The following SRPK2 variants were observed in gnomAD, a reference collection of about 807,000 sequenced individuals.
The protein encoded by SRPK2 is SFRS protein kinase 2.
SRPK2 carries 21 observed loss-of-function variants against 90.8 expected under a neutral mutation model. The ratio of observed to expected loss-of-function variants is 0.23; its 90% confidence interval spans 0.16 to 0.33. SRPK2 has a LOEUF of 0.33. Ranked by LOEUF, SRPK2 falls within the 10% of genes least tolerant of loss-of-function variation. The pLI is 1.00. For missense variants in SRPK2, 620 were observed against 869.0 expected (o/e 0.71, Z 3.60); for synonymous variants, 288 against 311.1 (o/e 0.93, Z 0.78).
At chr7:105,274,643 G>GAAA (rs113747387) in intron 2 of SRPK2, among the ~76,000 whole-genome samples, 1 of 144,348 alleles carries the variant, frequency 6.9e-6, no homozygotes. Context: ...CTCAAAGAAA[G>GAAA]AAAAAAAAAA....
At position 105,250,085 on chromosome 7, in the gene SRPK2, C is replaced by T. The variant is rs559431840; in HGVS notation, c.72-46300G>A. ...GTGGCTCACGCCTATAATCTCAGCCCTATGGGAGTCCGAGGGAGGTGGATC... is the reference window on the plus strand; with the variant it reads ...GTGGCTCACGCCTATAATCTCAGCCTTATGGGAGTCCGAGGGAGGTGGATC... On this transcript the variant is annotated intron_variant, in intron 2 of 15. Coordinates refer to ENST00000393651, the MANE Select transcript of SRPK2 (RefSeq NM_182692.3). Among the ~76,000 whole-genome samples, 290 of 152,334 alleles carry T rather than the reference C, an allele frequency of 1.9e-3. 4 individuals are homozygous for T. The highest frequency in any genetic ancestry group is 6.6e-3 in the African/African-American group (274 of 41,558).
intron 2 of SRPK2, among the ~76,000 whole-genome samples, chr7:105,223,837 G>C (rs935748558): frequency 2.6e-5 from 4 of 152,214 alleles, no homozygotes; most frequent in Non-Finnish European, 5.9e-5. Flanking sequence ...GCTTCATGCG[G>C]TAAAAGTATT....
chr7:105,270,834 T>C (rs914651476), intron 2 of SRPK2, among the ~76,000 whole-genome samples: 28 of 152,210 alleles, frequency 1.8e-4, no homozygotes, highest in Admixed American at 6.5e-5. Flanking sequence ...AAGGATTTAA[T>C]GAAATAACCC....
chr7:105,266,608 T>C (rs966307408), intron 2 of SRPK2, among the ~76,000 whole-genome samples: 1 of 152,122 alleles, frequency 6.6e-6, no homozygotes, highest in Non-Finnish European at 1.5e-5. Flanking sequence ...TCCAAATATC[T>C]CTAAGATTTA....
chr7:105,365,863 CTT>C (rs199599172), intron 2 of SRPK2, among the ~76,000 whole-genome samples: 4 of 145,032 alleles, frequency 2.8e-5, no homozygotes. Context: ...TTATTTCTTC[CTT>C]TTTTTTTTTT....
At chr7:105,311,806 T>C (rs1205495962) in intron 2 of SRPK2, among the ~76,000 whole-genome samples, 1 of 152,148 alleles carries the variant, frequency 6.6e-6, no homozygotes, top group Non-Finnish European at 1.5e-5. Context: ...AGTGTGGTGG[T>C]TCCTCAAAAA....
chr7:105,304,749 T>C (rs1246478264), intron 2 of SRPK2, among the ~76,000 whole-genome samples: 1 of 152,220 alleles, frequency 6.6e-6, no homozygotes, highest in Non-Finnish European at 1.5e-5. Flanking sequence ...TTTAGTATCA[T>C]GACTACAGGA....
At position 105,218,272 on chromosome 7, in the gene SRPK2, T is replaced by C. The variant is rs117721147; in HGVS notation, c.72-14487A>G. On this transcript the variant is annotated intron_variant, in intron 2 of 15. Coordinates refer to ENST00000393651, the MANE Select transcript of SRPK2 (RefSeq NM_182692.3). Reference sequence around the variant, plus strand: ...TGCTACACAAAGTTAAATCTATTTCTTTCGGAAGCTATAACACAATAGTTC... The same window carrying C: ...TGCTACACAAAGTTAAATCTATTTCCTTCGGAAGCTATAACACAATAGTTC... Among the ~76,000 whole-genome samples the C allele has an allele frequency of 1.7e-3, 259 of 152,354 alleles. 6 individuals are homozygous for C. The East Asian group carries it at 0.041, about 24-fold the overall frequency.
At chr7:105,191,222 A>C (rs1794236905) in intron 3 of SRPK2, among the ~76,000 whole-genome samples, 1 of 152,174 alleles carries the variant, frequency 6.6e-6, no homozygotes, top group Non-Finnish European at 1.5e-5. Context: ...TCCAATGCAA[A>C]AAAGAAATGA....
intron 2 of SRPK2, among the ~76,000 whole-genome samples, chr7:105,266,901 G>A (rs1182070782): frequency 6.6e-6 from 1 of 152,130 alleles, no homozygotes; most frequent in South Asian, 2.1e-4. Context: ...GCAAGGGAGA[G>A]TACCTTCTTG....
intron 2 of SRPK2, among the ~76,000 whole-genome samples, chr7:105,382,757 G>C (rs1420994247): frequency 1.3e-5 from 2 of 152,128 alleles, no homozygotes; most frequent in African/African-American, 2.4e-5. Context: ...GATTTGAAGA[G>C]AGAGTGACTG....
At chr7:105,247,537 C>A (rs1238353147) in intron 2 of SRPK2, among the ~76,000 whole-genome samples, 2 of 108,962 alleles carry the variant, frequency 1.8e-5, no homozygotes, top group African/African-American at 6.6e-5. Context: ...CATAAACACA[C>A]ACACACACAC....
intron 2 of SRPK2, among the ~76,000 whole-genome samples, chr7:105,243,453 C>G (rs114299248): frequency 6.6e-6 from 1 of 152,048 alleles, no homozygotes; most frequent in African/African-American, 2.4e-5. Flanking sequence ...AGACAGATCA[C>G]CTGAGGTCAG....
At chr7:105,302,508 T>C (rs1485580794) in intron 2 of SRPK2, among the ~76,000 whole-genome samples, 1 of 152,250 alleles carries the variant, frequency 6.6e-6, no homozygotes, top group African/African-American at 2.4e-5. Context: ...ATAGGCTTCT[T>C]ATCTTAAATA....
chr7:105,124,597 C>T (rs1031140817), intron 15 of SRPK2, among the ~76,000 whole-genome samples: 5 of 135,650 alleles, frequency 3.7e-5, no homozygotes, highest in Admixed American at 8.2e-5. Flanking sequence ...GCCAAGATTG[C>T]GCCACTGCAC....
At chr7:105,217,363 T>A (rs1009971769) in intron 2 of SRPK2, among the ~76,000 whole-genome samples, 12 of 152,320 alleles carry the variant, frequency 7.9e-5, no homozygotes, top group African/African-American at 2.9e-4. Flanking sequence ...TTAAGCGGAA[T>A]AGAAATTCAA....
At position 105,117,595 on chromosome 7, in the gene SRPK2, G is replaced by A. The variant is rs1799753344; in HGVS notation, c.*243C>T. ...CACAACACAAGAAACAATGCTTAGA[G>A]ACATGTTATTGTTTCCAGAAGAAAA... On this transcript the variant is annotated 3_prime_UTR_variant, in exon 16 of 16. Coordinates refer to ENST00000393651, the MANE Select transcript of SRPK2 (RefSeq NM_182692.3). 1.9e-6 allele frequency: 1 copy of A among 522,214 alleles called. No individual in the cohort carries two copies. Among genetic ancestry groups the A allele is most frequent in the Non-Finnish European group, 3.4e-6 (1 of 296,844 alleles). 32.3% of individuals were successfully genotyped at this position (522,214 alleles called of 1,614,324 possible). A position where few individuals can be genotyped will look rare whatever the true frequency, so the allele number is the denominator to read the frequency against.
At chr7:105,159,436 A>T in intron 7 of SRPK2, among the ~76,000 whole-genome samples, 1 of 127,102 alleles carries the variant, frequency 7.9e-6, no homozygotes, top group South Asian at 2.6e-4. Context: ...TGACAGAGCG[A>T]GACTCCGTCT....
At chr7:105,204,574 A>G in intron 2 of SRPK2, 1 of 480,480 alleles carries the variant, frequency 2.1e-6, no homozygotes, top group Non-Finnish European at 3.9e-6. Flanking sequence ...CACTAATAAA[A>G]CTACCACTGA....
Sources: allele counts gnomAD v4.1 joint callset (sites outside exome capture counted in the v4.1 genomes callset), GRCh38; gene constraint gnomAD v4.1.1; transcripts MANE v1.5; gene names NCBI Gene and HGNC (gene_info 2026-07-23, HGNC 2026-07-21).